MAP2K5: variants seen among roughly 807,000 people sequenced by gnomAD.
The protein encoded by MAP2K5 is mitogen-activated protein kinase kinase 5, also known as dual specificity mitogen-activated protein kinase kinase 5.
Under a neutral mutation model 83.1 loss-of-function variants are expected in MAP2K5, and 49 were observed. The observed-to-expected ratio is 0.59, with a 90% CI of 0.47 to 0.75. The LOEUF (loss-of-function observed/expected upper bound fraction) is 0.75, where lower values mean the gene tolerates loss of function less well. Among genes scored for constraint, MAP2K5 ranks in the 30% least tolerant of loss-of-function variants. The probability of loss-of-function intolerance (pLI) is 0.00; values close to 1 mark genes in which losing one functional copy is unlikely to be tolerated. For synonymous variants in MAP2K5, 202 were observed against 191.8 expected, an observed-to-expected ratio of 1.05 and a Z score of -0.44; for missense variants, 457 against 557.5, an observed-to-expected ratio of 0.82 and a Z score of 1.82.
chr15:67,797,626 A>G (rs892356889), intron 21 of MAP2K5, among the ~76,000 whole-genome samples: 1 of 151,994 alleles, frequency 6.6e-6, no homozygotes, highest in Non-Finnish European at 1.5e-5. Flanking sequence ...TATAGATTTT[A>G]TATTTATTTT....
In MAP2K5 at chr15:67,780,816, C is replaced by T. The variant is rs2090316943; in HGVS notation, c.1242+8064C>T. Among the ~76,000 whole-genome samples the T allele has an allele frequency of 6.6e-6, 1 of 152,194 alleles. No homozygotes were observed. The highest frequency in any genetic ancestry group is 2.1e-4 in the South Asian group (1 of 4,830). On this transcript the variant is annotated intron_variant, in intron 21 of 21. Transcript: ENST00000178640. The surrounding 1 kb of genome is among the most constrained non-coding windows in gnomAD (Gnocchi z 5.0). The stretch of plus-strand genomic sequence containing the variant: ...TGAGGATTACCGTTCAGAACCAACA[C>T]CAGGGTTTAGCCATCCCACCCTGGA...
chr15:67,731,632 C>T (rs1026486037), intron 17 of MAP2K5, among the ~76,000 whole-genome samples: 2 of 152,202 alleles, frequency 1.3e-5, no homozygotes, highest in Non-Finnish European at 2.9e-5. Flanking sequence ...TGTTACCTGA[C>T]TCAGGCTGTG....
chr15:67,733,880 T>C (rs2089281238), intron 17 of MAP2K5, among the ~76,000 whole-genome samples: 1 of 152,222 alleles, frequency 6.6e-6, no homozygotes, highest in African/African-American at 2.4e-5. Flanking sequence ...GATACTTCTG[T>C]CATCCTTGGG....
chr15:67,617,732 C>T (rs546383330), intron 8 of MAP2K5, among the ~76,000 whole-genome samples: 31 of 152,262 alleles, frequency 2.0e-4, no homozygotes, highest in Non-Finnish European at 3.2e-4. Context: ...CACTCTGTCA[C>T]CTAGGCTGGA....
At chr15:67,735,790 A>G (rs910096501) in intron 17 of MAP2K5, among the ~76,000 whole-genome samples, 1 of 152,182 alleles carries the variant, frequency 6.6e-6, no homozygotes. Flanking sequence ...TAGAAGGTTA[A>G]AGTAATGAAC....
At chr15:67,765,371 A>T (rs192805416) in intron 19 of MAP2K5, among the ~76,000 whole-genome samples, 2 of 145,294 alleles carry the variant, frequency 1.4e-5, no homozygotes, top group East Asian at 2.0e-4. Flanking sequence ...AAATTTTTTT[A>T]AAAAGTATAG....
chr15:67,664,744 G>A (rs2087331274), intron 13 of MAP2K5, 99 bp downstream of exon 13: 1 of 733,244 alleles, frequency 1.4e-6, no homozygotes, highest in African/African-American at 1.8e-5. Flanking sequence ...ATTTAAGCCA[G>A]CTGATACATC....
In MAP2K5 at chr15:67,748,407, TAGAAATA is replaced by T; in HGVS notation, c.1101+152_1102-154del. 6.1e-6 allele frequency: 5 copies of T among 813,540 alleles called. No homozygotes were observed. The highest frequency in any genetic ancestry group is 1.0e-5 in the Non-Finnish European group (5 of 498,740). 50.4% of individuals were successfully genotyped at this position (813,540 alleles called of 1,614,324 possible). On this transcript the variant is annotated intron_variant, in intron 18 of 21. Transcript: ENST00000178640. This position sits in a 1 kb window ranked among gnomAD's most constrained non-coding sequence, Gnocchi z 4.0. ...CTGCCTGTATTAGATTAGGTACCAT[TAGAAATA>T]ATAGAACCTCCTGAGCATCAATGTT...
At position 67,779,467 on chromosome 15, in the gene MAP2K5, A is replaced by G. The variant is rs8042042; in HGVS notation, c.1242+6715A>G. Among the ~76,000 whole-genome samples, 2,841 of 152,326 alleles carry G rather than the reference A, an allele frequency of 0.019. 92 individuals carry two copies. Among genetic ancestry groups the G allele is most frequent in the African/African-American group, 0.065 (2,717 of 41,564 alleles). ...GCTTTGTTTTTCCATAGATGTGACC[A>G]CTTAATCTTTTCACAAGACTTTAGC... is the stretch of plus-strand genomic sequence containing the variant. On this transcript the variant is annotated intron_variant, in intron 21 of 21. Transcript: ENST00000178640. This position sits in a 1 kb window ranked among gnomAD's most constrained non-coding sequence, Gnocchi z 4.6.
Position 67,750,422 on chromosome 15 carries a change from A to G in MAP2K5, c.1134+1821A>G, listed in dbSNP as rs2089692718. On this transcript the variant is annotated intron_variant, in intron 19 of 21. Transcript: ENST00000178640. The surrounding 1 kb of genome is among the most constrained non-coding windows in gnomAD (Gnocchi z 4.2). The stretch of plus-strand genomic sequence containing the variant: ...ACCTGCCTTAGACAAGATGAATCAT[A>G]GCATCTCGGAAAGGAAGGATTGGTG... 6.6e-6 allele frequency among the ~76,000 whole-genome samples: 1 copy of G among 152,232 alleles called. No homozygotes were observed. Among genetic ancestry groups the G allele is most frequent in the African/African-American group, 2.4e-5 (1 of 41,470 alleles).
rs965149918 is a variant in MAP2K5 at position 67,577,517 on chromosome 15, A to G, written c.253-3237A>G. On this transcript the variant is annotated intron_variant, in intron 3 of 21. Coordinates refer to ENST00000178640, the MANE Select transcript of MAP2K5 (RefSeq NM_145160.3). The surrounding 1 kb of genome is among the most constrained non-coding windows in gnomAD (Gnocchi z 4.1). ...ACTTTGTTACATTTCTGTCCAAGCT[A>G]TTATGTTCAGTATCTTAGTGTACAA... 8.5e-5 allele frequency among the ~76,000 whole-genome samples: 13 copies of G among 152,304 alleles called. No individual in the cohort carries two copies. Among genetic ancestry groups the G allele is most frequent in the African/African-American group, 3.1e-4 (13 of 41,572 alleles).
intron 21 of MAP2K5, among the ~76,000 whole-genome samples, chr15:67,795,587 G>A (rs1184097516): frequency 6.6e-6 from 1 of 152,158 alleles, no homozygotes; most frequent in African/African-American, 2.4e-5. Context: ...AGCATGCTAT[G>A]TATAACATCA....
intron 21 of MAP2K5, among the ~76,000 whole-genome samples, chr15:67,795,942 T>C (rs1263324562): frequency 6.6e-6 from 1 of 152,238 alleles, no homozygotes. Context: ...TTTCAAAGTA[T>C]TTCTTTTGTC....
rs185282047 is a variant in MAP2K5 at position 67,581,249 on chromosome 15, G to A, written c.322+426G>A. On this transcript the variant is annotated intron_variant, in intron 4 of 21. Transcript: ENST00000178640. ...AGGTGTTAGGAGAGAAATTTTGGTG[G>A]AATGTTTGGTATCTGGTTTTTTGAG... Among the ~76,000 whole-genome samples, 6 of 152,268 alleles carry A rather than the reference G, an allele frequency of 3.9e-5. No individual in the cohort carries two copies. In the East Asian group the frequency reaches 1.2e-3, roughly 29 times the overall value.
chr15:67,742,137 C>T (rs139586159), intron 17 of MAP2K5, among the ~76,000 whole-genome samples: 6,782 of 152,184 alleles, frequency 0.045, 332 homozygotes, highest in African/African-American at 0.12. Flanking sequence ...GTGATCCGCC[C>T]GCCTCAGCCT....
At chr15:67,615,431 G>A (rs1250988748) in intron 8 of MAP2K5, among the ~76,000 whole-genome samples, 2 of 152,102 alleles carry the variant, frequency 1.3e-5, no homozygotes, top group Non-Finnish European at 2.9e-5. Context: ...TACAACTGCT[G>A]TTTACTTTGG....
rs935543680 is a variant in MAP2K5 at position 67,722,581 on chromosome 15, A to G, written c.1045-5335A>G. On this transcript the variant is annotated intron_variant, in intron 16 of 21. Transcript: ENST00000178640. This position sits in a 1 kb window ranked among gnomAD's most constrained non-coding sequence, Gnocchi z 4.2. The stretch of plus-strand genomic sequence containing the variant: ...AAAATCTTAGAGTAGATTTTGAGGT[A>G]TTTAATATTTATTATGGTTCTTCAC... 1.3e-5 allele frequency among the ~76,000 whole-genome samples: 2 copies of G among 152,190 alleles called. No individual in the cohort carries two copies. The highest frequency in any genetic ancestry group is 4.8e-5 in the African/African-American group (2 of 41,460).
chr15:67,714,927 A>G (rs1215761033), intron 16 of MAP2K5, among the ~76,000 whole-genome samples: 1 of 152,198 alleles, frequency 6.6e-6, no homozygotes, highest in African/African-American at 2.4e-5. Context: ...TATACACTCA[A>G]CGTGGATCAT....
intron 16 of MAP2K5, among the ~76,000 whole-genome samples, chr15:67,707,123 G>T (rs1371864618): frequency 6.6e-6 from 1 of 152,142 alleles, no homozygotes; most frequent in African/African-American, 2.4e-5. Flanking sequence ...CACCATGTTA[G>T]CCAGGATGGC....
Sources: allele counts gnomAD v4.1 joint callset (sites outside exome capture counted in the v4.1 genomes callset), GRCh38; gene constraint gnomAD v4.1.1; non-coding constraint Gnocchi (gnomAD v3.1); transcripts MANE v1.5; gene names NCBI Gene and HGNC (gene_info 2026-07-23, HGNC 2026-07-21).